Variants in CRACD observed in about 807,000 individuals in gnomAD.
CRACD encodes capping protein inhibiting regulator of actin dynamics.
A neutral mutation model predicts 106.8 loss-of-function variants in CRACD; 56 were observed. The ratio of observed to expected loss-of-function variants is 0.52; its 90% CI spans 0.42 to 0.66. The LOEUF is 0.66. CRACD is among the 30% of genes least tolerant of loss of function. The probability of loss-of-function intolerance (pLI) is 0.00; values close to 1 mark genes in which losing one functional copy is unlikely to be tolerated. For missense variants in CRACD, 1,730 were observed against 1,623.2 expected, an observed-to-expected ratio of 1.07 and a Z score of -1.13; for synonymous variants, 754 against 670.8, an observed-to-expected ratio of 1.12 and a Z score of -1.92.
rs147078763 is a variant in CRACD, at chr4:56,193,052, G to A, written c.-189+13622G>A. 8.3e-3 allele frequency among the ~76,000 whole-genome samples: 1,265 copies of A among 152,250 alleles called. 8 individuals are homozygous for A. The highest frequency in any genetic ancestry group is 0.048 in the Middle Eastern group (14 of 294). On this transcript the variant is annotated intron_variant, in intron 2 of 10. Coordinates refer to ENST00000682029, the MANE Select transcript of CRACD (RefSeq NM_001393381.1). ...CTGGGTAATTTATAAAGAAAAAGCG[G>A]TATAATGGACTCACAGTTCCACTTG...
chr4:56,329,779 CTT>C lies in CRACD; in HGVS notation c.*1979_*1980del, dbSNP rs1746690260. Among the ~76,000 whole-genome samples the C allele has an allele frequency of 6.6e-6, 1 of 152,160 alleles. No individual in the cohort carries two copies. The highest frequency in any genetic ancestry group is 1.5e-5 in the Non-Finnish European group (1 of 68,030). On this transcript the variant is annotated 3_prime_UTR_variant, in exon 11 of 11. Coordinates refer to ENST00000682029, the MANE Select transcript of CRACD (RefSeq NM_001393381.1). ...TGCTACAGTAATTCTTCTGAATTGA[CTT>C]TTTCTTTCATCCTGTCAGCTTTGGA...
At chr4:56,137,945 G>A (rs1383415881) in intron 1 of CRACD, among the ~76,000 whole-genome samples, 1 of 152,202 alleles carries the variant, frequency 6.6e-6, no homozygotes, top group Non-Finnish European at 1.5e-5. Flanking sequence ...AAGGAAGTGG[G>A]TAAGGCCCTT....
intron 2 of CRACD, among the ~76,000 whole-genome samples, chr4:56,258,325 C>T (rs958525242): frequency 1.3e-5 from 2 of 152,164 alleles, no homozygotes; most frequent in Non-Finnish European, 1.5e-5. Context: ...CCAGACCAAA[C>T]CAATGTGCAC....
chr4:56,232,431 G>A (rs1001951255), intron 2 of CRACD, among the ~76,000 whole-genome samples: 1 of 152,070 alleles, frequency 6.6e-6, no homozygotes, highest in Non-Finnish European at 1.5e-5. Context: ...CCTATGTGGA[G>A]CTTCTGTGAA....
chr4:56,196,622 C>A (rs1416544794), intron 2 of CRACD, among the ~76,000 whole-genome samples: 2 of 152,222 alleles, frequency 1.3e-5, no homozygotes, highest in African/African-American at 2.4e-5. Flanking sequence ...CAGATGCCAT[C>A]CGTCCTCTGC....
At chr4:56,278,974 C>G (rs1742838559) in intron 3 of CRACD, among the ~76,000 whole-genome samples, 1 of 151,916 alleles carries the variant, frequency 6.6e-6, no homozygotes, top group African/African-American at 2.4e-5. Flanking sequence ...AGGCTACAGG[C>G]AAAAAAGATA....
rs145622363 is a variant in CRACD, at chr4:56,128,997, A to C, written c.-335-50287A>C. ...ACAGTTATTTTTGGGACCTATTTTTAAAAAAACTAATCGTACTGTGAAAAT... is the reference window on the plus strand; with the variant it reads ...ACAGTTATTTTTGGGACCTATTTTTCAAAAAACTAATCGTACTGTGAAAAT... On this transcript the variant is annotated intron_variant, in intron 1 of 10. Transcript: ENST00000682029. Among the ~76,000 whole-genome samples the C allele has an allele frequency of 3.4e-3, 518 of 152,256 alleles. 1 individual carries two copies. The highest frequency in any genetic ancestry group is 0.011 in the African/African-American group (453 of 41,580).
intron 2 of CRACD, among the ~76,000 whole-genome samples, chr4:56,190,663 C>T (rs945938584): frequency 2.0e-5 from 3 of 152,092 alleles, no homozygotes; most frequent in African/African-American, 7.2e-5. Context: ...GGTACAGCCT[C>T]CTCCCTAGCT....
chr4:56,135,932 TCA>T (rs1210198931), intron 1 of CRACD, among the ~76,000 whole-genome samples: 3 of 152,194 alleles, frequency 2.0e-5, no homozygotes, highest in Non-Finnish European at 4.4e-5. Flanking sequence ...CGCCTTCTAC[TCA>T]CACCCTAGAA....
chr4:56,155,844 A>G (rs1261838202), intron 1 of CRACD, among the ~76,000 whole-genome samples: 1 of 152,218 alleles, frequency 6.6e-6, no homozygotes, highest in Non-Finnish European at 1.5e-5. Flanking sequence ...AATTGTGATA[A>G]CTAGATGGGC....
chr4:56,188,390 C>G (rs1033457058), intron 2 of CRACD, among the ~76,000 whole-genome samples: 2 of 151,978 alleles, frequency 1.3e-5, no homozygotes, highest in African/African-American at 4.8e-5. Context: ...CTAGGAACTA[C>G]TTAGTGCTTG....
At chr4:56,308,971 G>T (rs1457951488) in intron 5 of CRACD, 1 of 1,193,038 alleles carries the variant, frequency 8.4e-7, no homozygotes, top group Non-Finnish European at 1.1e-6. Context: ...GATTCTACAA[G>T]GGGCCCCCCA....
intron 1 of CRACD, among the ~76,000 whole-genome samples, chr4:56,062,634 G>A (rs2109787544): frequency 6.6e-6 from 1 of 152,308 alleles, no homozygotes; most frequent in Middle Eastern, 3.4e-3. Flanking sequence ...GTGGTAGACT[G>A]TAGTTTCTGA....
At position 56,104,381 on chromosome 4, in the gene CRACD, G is replaced by T. The variant is rs548298169; in HGVS notation, c.-336+55082G>T. 1.5e-4 allele frequency among the ~76,000 whole-genome samples: 22 copies of T among 151,582 alleles called. 1 individual carries two copies. The South Asian group carries it at 4.6e-3, about 32-fold the overall frequency. On this transcript the variant is annotated intron_variant, in intron 1 of 10. Transcript: ENST00000682029. ...TGCACTTTAGCCTGGGCGACAGAGA[G>T]AGAGACCCTGTCTCAAAAAACAAAC...
rs769522840 is a variant in CRACD at position 56,314,491 on chromosome 4, A to T, written c.989A>T (p.Glu330Val). The T allele has an allele frequency of 1.3e-6, 2 of 1,522,754 alleles. No homozygotes were observed. Among genetic ancestry groups the T allele is most frequent in the South Asian group, 2.5e-5 (2 of 80,486 alleles). 94.3% of individuals were successfully genotyped at this position (1,522,754 alleles called of 1,614,324 possible). A position where few individuals can be genotyped will look rare whatever the true frequency, so the allele number is the denominator to read the frequency against. ...RRRLQAQAQA[E>V]ERRRLEEDAR... ...CGTCTGCAGGCCCAGGCCCAAGCGGAGGAGAGGCGGCGGCTGGAGGAGGAC... is the reference window on the plus strand; with the variant it reads ...CGTCTGCAGGCCCAGGCCCAAGCGGTGGAGAGGCGGCGGCTGGAGGAGGAC... Residue 330 changes from glutamate (E) to valine (V), a missense_variant, in exon 8 of 11, where the codon GAG (glutamate) becomes GTG (valine). Physicochemically the swap from Glu to Val is moderately radical, Grantham distance 121. This residue lies in a region of CRACD where 1,620 missense variants were observed against 1,481.6 expected (regional missense o/e 1.09). Transcript: ENST00000682029. This position sits in a 1 kb window ranked among gnomAD's most constrained non-coding sequence, Gnocchi z 4.4.
chr4:56,166,509 C>T (rs754670386), intron 1 of CRACD, among the ~76,000 whole-genome samples: 35 of 151,748 alleles, frequency 2.3e-4, no homozygotes, highest in South Asian at 2.1e-4. Context: ...GGTGAAACCC[C>T]GTCTCTACTA....
intron 1 of CRACD, among the ~76,000 whole-genome samples, chr4:56,073,440 A>G (rs1054810636): frequency 1.2e-4 from 18 of 152,164 alleles, no homozygotes; most frequent in African/African-American, 4.3e-4. Context: ...TGGGTTAGCA[A>G]CTTCTGTAAT....
chr4:56,209,693 A>G (rs1738303553), intron 2 of CRACD, among the ~76,000 whole-genome samples: 1 of 152,182 alleles, frequency 6.6e-6, no homozygotes, highest in Non-Finnish European at 1.5e-5. Flanking sequence ...ATAAACTTAA[A>G]CTTAGGTTTG....
rs146588659 is a variant in CRACD, at chr4:56,249,949, C to T, written c.-188-22372C>T. Among the ~76,000 whole-genome samples, 257 of 152,302 alleles carry T rather than the reference C, an allele frequency of 1.7e-3. 1 individual carries two copies. Among genetic ancestry groups the T allele is most frequent in the Middle Eastern group, 3.4e-3 (1 of 294 alleles). On this transcript the variant is annotated intron_variant, in intron 2 of 10. Transcript: ENST00000682029. ...TGGGAGAGTTAACATTGTTTTCTCACTACCCAGAATACTGCCATCTGCCAG... is the reference window on the plus strand; with the variant it reads ...TGGGAGAGTTAACATTGTTTTCTCATTACCCAGAATACTGCCATCTGCCAG...
Sources: gnomAD v4.1 joint callset for allele counts (sites outside exome capture counted in the v4.1 genomes callset) on GRCh38, gnomAD v4.1.1 for gene constraint, gnomAD v4.1.1 regional missense constraint, Gnocchi (gnomAD v3.1) non-coding constraint, MANE v1.5 for transcripts, NCBI Gene and HGNC (gene_info 2026-07-23, HGNC 2026-07-21) for gene names.